EHF: variants seen among roughly 807,000 people sequenced by gnomAD.
EHF encodes ESE3 transcription factor.
Under a neutral mutation model 45.1 loss-of-function variants are expected in EHF, and 14 were observed. The ratio of observed to expected loss-of-function variants is 0.31; its 90% CI spans 0.21 to 0.49. The LOEUF is 0.49. Among genes scored for constraint, EHF ranks in the 20% least tolerant of loss-of-function variants. EHF has a pLI of 0.99. For synonymous variants in EHF, 136 were observed against 131.8 expected (o/e 1.03, Z -0.22); for missense variants, 282 against 371.4 (o/e 0.76, Z 1.98).
chr11:34,642,876 C>T (rs1854146991), intron 2 of EHF, 149 bp downstream of exon 2: 4 of 626,232 alleles, frequency 6.4e-6, no homozygotes, highest in Non-Finnish European at 1.1e-5. Flanking sequence ...TTTTGGAGTT[C>T]CCTACCAGCC....
intron 1 of EHF, among the ~76,000 whole-genome samples, chr11:34,638,357 C>G (rs1429929747): frequency 6.6e-6 from 1 of 152,192 alleles, no homozygotes; most frequent in Non-Finnish European, 1.5e-5. Flanking sequence ...TCTCTTAAAC[C>G]TTCACAGATC....
rs754561466 is a variant in EHF at position 34,646,488 on chromosome 11, C to G, written c.147C>G (p.Tyr49Ter). The change falls in exon 3 of 9, where the codon TAC becomes TAG. Residue 49 changes from tyrosine (Y) to a stop codon, truncating the protein, a stop_gained. Transcript: ENST00000257831. LOFTEE classifies it high-confidence loss of function. Reference sequence around the variant, plus strand: ...AGTGGCATGAAATTCATCCTCAGTACTGGACCAAGTACCAGGTGTGGGAGT... The same window carrying G: ...AGTGGCATGAAATTCATCCTCAGTAGTGGACCAAGTACCAGGTGTGGGAGT... Reference protein sequence around the residue: ...GGQWHEIHPQYWTKYQVWEWL... With the variant: ...GGQWHEIHPQ The G allele has an allele frequency of 1.2e-6, 2 of 1,614,120 alleles. No individual in the cohort carries two copies. The highest frequency in any genetic ancestry group is 1.3e-5 in the African/African-American group (1 of 75,028).
At chr11:34,657,070 C>A in intron 7 of EHF, 100 bp downstream of exon 7, 2 of 1,373,598 alleles carry the variant, frequency 1.5e-6, no homozygotes, top group Non-Finnish European at 2.0e-6. Flanking sequence ...CTGTCTGCTG[C>A]CTTCATGTCT....
intron 1 of EHF, among the ~76,000 whole-genome samples, chr11:34,639,816 T>C (rs1253345724): frequency 6.6e-6 from 1 of 152,220 alleles, no homozygotes; most frequent in Non-Finnish European, 1.5e-5. Context: ...AGCAGGGCTA[T>C]GCACAGGCCA....
chr11:34,661,297 T>C lies in EHF; in HGVS notation c.*2366T>C, dbSNP rs1173539675. Among the ~76,000 whole-genome samples, 4 of 152,142 alleles carry C rather than the reference T, an allele frequency of 2.6e-5. No individual in the cohort carries two copies. The highest frequency in any genetic ancestry group is 9.7e-5 in the African/African-American group (4 of 41,448). Reference sequence around the variant, plus strand: ...GGGGCATCTGCCAATTCTCTCACTGTGGTTCCTTCTCTGACTTTGCCTGTT... The same window carrying C: ...GGGGCATCTGCCAATTCTCTCACTGCGGTTCCTTCTCTGACTTTGCCTGTT... On this transcript the variant is annotated 3_prime_UTR_variant, in exon 9 of 9. Transcript: ENST00000257831.
At chr11:34,647,044 CA>C (rs201974574) in intron 3 of EHF, 1,342 of 156,130 alleles carry the variant, frequency 8.6e-3, no homozygotes, top group Middle Eastern at 0.02. Context: ...ATCATGGTTA[CA>C]AAAAAAAAAA....
chr11:34,631,079 G>A (rs944778168), intron 1 of EHF, among the ~76,000 whole-genome samples: 8 of 152,150 alleles, frequency 5.3e-5, no homozygotes, highest in African/African-American at 1.9e-4. Flanking sequence ...TGCCCAGGCT[G>A]GGTGTGCAGT....
rs184387191 is a variant in EHF, at chr11:34,643,145, A to G, written c.97+418A>G. ...GGAAGGAGAGGGTTATAGCAGTTCA[A>G]TCTTTCTTTTTTCGTCTTCCAGTGG... On this transcript the variant is annotated intron_variant, in intron 2 of 8. Transcript: ENST00000257831. 4.7e-4 allele frequency among the ~76,000 whole-genome samples: 72 copies of G among 151,758 alleles called. 2 individuals are homozygous for G. The East Asian group carries it at 0.012, about 26-fold the overall frequency.
intron 6 of EHF, among the ~76,000 whole-genome samples, chr11:34,656,479 A>T (rs1326312522): frequency 6.6e-6 from 1 of 151,954 alleles, no homozygotes; most frequent in African/African-American, 2.4e-5. Flanking sequence ...TAAAAGTCCC[A>T]TAAGGGATTA....
At chr11:34,623,677 C>T (rs1220914765) in intron 1 of EHF, among the ~76,000 whole-genome samples, 3 of 152,198 alleles carry the variant, frequency 2.0e-5, no homozygotes, top group East Asian at 1.9e-4. Context: ...CAGGTCAGAA[C>T]GTGAGTGCTT....
Position 34,630,247 on chromosome 11 carries a change from A to C in EHF, c.-4+9019A>C, listed in dbSNP as rs944781271. Among the ~76,000 whole-genome samples, 7 of 152,088 alleles carry C rather than the reference A, an allele frequency of 4.6e-5. No individual in the cohort carries two copies. The South Asian group carries it at 1.5e-3, about 32-fold the overall frequency. On this transcript the variant is annotated intron_variant, in intron 1 of 8. Coordinates refer to ENST00000257831, the MANE Select transcript of EHF (RefSeq NM_012153.6). ...TCAAAAGAACTATGTTGCTTTCCCCACCCCTTCCCAAGTACACTTATTATA... is the reference window on the plus strand; with the variant it reads ...TCAAAAGAACTATGTTGCTTTCCCCCCCCCTTCCCAAGTACACTTATTATA...
chr11:34,641,861 CT>C (rs1280111061), intron 1 of EHF: 2 of 152,086 alleles, frequency 1.3e-5, no homozygotes, highest in Non-Finnish European at 2.9e-5. Flanking sequence ...CTCCCAAGTC[CT>C]TTACTGAAAA....
intron 7 of EHF, among the ~76,000 whole-genome samples, chr11:34,658,312 T>A (rs1855848099): frequency 6.6e-6 from 1 of 152,152 alleles, no homozygotes; most frequent in African/African-American, 2.4e-5. Context: ...AAGTTCTCTG[T>A]GCCTCGGTTT....
At chr11:34,637,842 A>G (rs1590454315) in intron 1 of EHF, among the ~76,000 whole-genome samples, 1 of 152,144 alleles carries the variant, frequency 6.6e-6, no homozygotes, top group East Asian at 1.9e-4. Flanking sequence ...CCTATGAAAA[A>G]GGATAGGGAA....
chr11:34,640,568 G>A (rs1321705122), intron 1 of EHF, among the ~76,000 whole-genome samples: 1 of 152,156 alleles, frequency 6.6e-6, no homozygotes, highest in Non-Finnish European at 1.5e-5. Flanking sequence ...CCAGCCACCC[G>A]GTCTGGGGAC....
At chr11:34,624,962 G>T (rs927809753) in intron 1 of EHF, among the ~76,000 whole-genome samples, 2 of 152,080 alleles carry the variant, frequency 1.3e-5, no homozygotes, top group Non-Finnish European at 1.5e-5. Context: ...TAGGCAAAAG[G>T]GTTTGAACCT....
At chr11:34,654,215 C>T (rs1035329337) in intron 6 of EHF, among the ~76,000 whole-genome samples, 11 of 152,212 alleles carry the variant, frequency 7.2e-5, no homozygotes, top group Admixed American at 7.2e-4. Flanking sequence ...GCTGCCCCTG[C>T]CTGGACTGGA....
intron 1 of EHF, among the ~76,000 whole-genome samples, chr11:34,639,407 C>T (rs1293280055): frequency 3.9e-5 from 6 of 152,150 alleles, no homozygotes; most frequent in Admixed American, 1.3e-4. Context: ...TGGGTGAGTT[C>T]GTTATAATAA....
intron 1 of EHF, chr11:34,631,571 C>G: frequency 1.0e-6 from 1 of 984,964 alleles, no homozygotes; most frequent in Non-Finnish European, 1.2e-6. Context: ...CCACCTGGGA[C>G]CTGAGGCCTC....
Sources: gnomAD v4.1 joint callset for allele counts (sites outside exome capture counted in the v4.1 genomes callset) on GRCh38, gnomAD v4.1.1 for gene constraint, MANE v1.5 for transcripts, NCBI Gene and HGNC (gene_info 2026-07-23, HGNC 2026-07-21) for gene names.